Variants in KCNAB1 observed in about 807,000 individuals in gnomAD.
KCNAB1 encodes voltage-gated potassium channel subunit beta-1.
In KCNAB1, 35 loss-of-function variants were observed where a neutral mutation model predicts 64.6. The ratio of observed to expected loss-of-function variants is 0.54; its 90% CI spans 0.41 to 0.72. The LOEUF is 0.72. Among genes scored for constraint, KCNAB1 ranks in the 30% least tolerant of loss-of-function variants. KCNAB1 has a pLI of 0.00. For missense variants in KCNAB1, 401 were observed against 512.9 expected, an observed-to-expected ratio of 0.78 and a Z score of 2.11; for synonymous variants, 177 against 183.8, an observed-to-expected ratio of 0.96 and a Z score of 0.30.
Position 156,421,619 on chromosome 3 carries a change from T to C in KCNAB1, c.279T>C (p.Asn93=). 4 of 1,613,910 alleles carry C rather than the reference T, an allele frequency of 2.5e-6. No homozygotes were observed. Among genetic ancestry groups the C allele is most frequent in the Non-Finnish European group, 3.4e-6 (4 of 1,179,854 alleles). ...TVCTTGMPHR[N]LGKSGLRVSC... Reference sequence around the variant, plus strand: ...TGTTGCTTTGTTTTTATTATAGGAATCTTGGAAAATCAGGACTCAGAGTTT... The same window carrying C: ...TGTTGCTTTGTTTTTATTATAGGAACCTTGGAAAATCAGGACTCAGAGTTT... The change falls in exon 2 of 14, where the codon AAT becomes AAC. Residue 93 remains asparagine, a synonymous_variant. Coordinates refer to ENST00000490337, the MANE Select transcript of KCNAB1 (RefSeq NM_172160.3).
chr3:156,467,597 A>G (rs767192823), intron 7 of KCNAB1, among the ~76,000 whole-genome samples: 9 of 151,714 alleles, frequency 5.9e-5, no homozygotes, highest in Non-Finnish European at 1.2e-4. Context: ...TTATCTGTCT[A>G]TCCATCCATC....
At chr3:156,245,450 C>T (rs62286207) in intron 1 of KCNAB1, among the ~76,000 whole-genome samples, 30,737 of 151,950 alleles carry the variant, frequency 0.2, 3,526 homozygotes, top group South Asian at 0.47. Context: ...TGATATAATC[C>T]ACTGGTTTTA....
intron 4 of KCNAB1, among the ~76,000 whole-genome samples, chr3:156,458,784 T>C (rs1219734164): frequency 6.6e-6 from 1 of 152,084 alleles, no homozygotes; most frequent in Non-Finnish European, 1.5e-5. Context: ...TCTGTTAGAG[T>C]CCTGTTTGTA....
At chr3:156,224,137 G>A (rs1351344741) in intron 1 of KCNAB1, among the ~76,000 whole-genome samples, 1 of 152,242 alleles carries the variant, frequency 6.6e-6, no homozygotes, top group African/African-American at 2.4e-5. Context: ...TGGGGGACCC[G>A]GCACACCCTC....
At position 156,237,539 on chromosome 3, in the gene KCNAB1, C is replaced by T. The variant is rs748068820; in HGVS notation, c.275+116653C>T. Among the ~76,000 whole-genome samples, 12 of 152,096 alleles carry T rather than the reference C, an allele frequency of 7.9e-5. 1 individual carries two copies. The highest frequency in any genetic ancestry group is 1.8e-4 in the Non-Finnish European group (12 of 68,018). Reference sequence around the variant, plus strand: ...AACACCCCCACCTCGCTCAACTATACGTATTGTTTTGTAACTTGTAAACAC... The same window carrying T: ...AACACCCCCACCTCGCTCAACTATATGTATTGTTTTGTAACTTGTAAACAC... On this transcript the variant is annotated intron_variant, in intron 1 of 13. Transcript: ENST00000490337.
At chr3:156,175,575 G>C (rs897881390) in intron 1 of KCNAB1, among the ~76,000 whole-genome samples, 2 of 152,160 alleles carry the variant, frequency 1.3e-5, no homozygotes, top group African/African-American at 4.8e-5. Context: ...GCCGAGATGC[G>C]CCACTGCACT....
At chr3:156,274,991 C>T (rs1459326303) in intron 1 of KCNAB1, among the ~76,000 whole-genome samples, 5 of 152,182 alleles carry the variant, frequency 3.3e-5, no homozygotes, top group African/African-American at 1.2e-4. Context: ...GTAACAGAAC[C>T]TTTGTACCCT....
At chr3:156,497,878 G>A (rs529284433) in intron 8 of KCNAB1, among the ~76,000 whole-genome samples, 4 of 152,268 alleles carry the variant, frequency 2.6e-5, no homozygotes, top group South Asian at 2.1e-4. Context: ...TAGGGTCTTC[G>A]AAAAGTTTGT....
intron 1 of KCNAB1, among the ~76,000 whole-genome samples, chr3:156,255,706 C>G (rs1301263000): frequency 6.6e-6 from 1 of 152,178 alleles, no homozygotes; most frequent in Non-Finnish European, 1.5e-5. Context: ...CGACAATATT[C>G]TACTCACTTT....
Position 156,149,696 on chromosome 3 carries a change from A to C in KCNAB1, c.275+28810A>C, listed in dbSNP as rs543725474. Among the ~76,000 whole-genome samples, 3 of 152,284 alleles carry C rather than the reference A, an allele frequency of 2.0e-5. No homozygotes were observed. In the East Asian group the frequency reaches 5.8e-4, roughly 29 times the overall value. On this transcript the variant is annotated intron_variant, in intron 1 of 13. Coordinates refer to ENST00000490337, the MANE Select transcript of KCNAB1 (RefSeq NM_172160.3). ...CTTCAAAGGGTAACGCCATCCTCTC[A>C]AAGAGGCATATAGTGGATACCCAGG...
At chr3:156,445,787 A>G (rs1410876558) in intron 2 of KCNAB1, among the ~76,000 whole-genome samples, 1 of 152,236 alleles carries the variant, frequency 6.6e-6, no homozygotes, top group Non-Finnish European at 1.5e-5. Context: ...CGGTTACAAT[A>G]TAGTGTGGTC....
chr3:156,486,467 G>A (rs1306160962), intron 8 of KCNAB1, among the ~76,000 whole-genome samples: 1 of 152,172 alleles, frequency 6.6e-6, no homozygotes, highest in Non-Finnish European at 1.5e-5. Context: ...CCCTGGTTGG[G>A]ATGGGGGTTT....
At chr3:156,525,734 T>C (rs1303480293) in intron 12 of KCNAB1, among the ~76,000 whole-genome samples, 1 of 152,226 alleles carries the variant, frequency 6.6e-6, no homozygotes, top group Non-Finnish European at 1.5e-5. Flanking sequence ...CAGGCTGGTC[T>C]CTAACTCCTG....
intron 1 of KCNAB1, among the ~76,000 whole-genome samples, chr3:156,378,494 A>G (rs1172742292): frequency 2.6e-5 from 4 of 152,142 alleles, no homozygotes; most frequent in Non-Finnish European, 4.4e-5. Context: ...ATCTCCCCTT[A>G]GCCCTTTTTG....
chr3:156,503,967 A>G (rs1426772812), intron 8 of KCNAB1, among the ~76,000 whole-genome samples: 1 of 152,168 alleles, frequency 6.6e-6, no homozygotes, highest in African/African-American at 2.4e-5. Flanking sequence ...ATTGTTAACT[A>G]TAGTCTCCCT....
chr3:156,360,281 C>T (rs114880580), intron 1 of KCNAB1, among the ~76,000 whole-genome samples: 2,025 of 152,324 alleles, frequency 0.013, 17 homozygotes, highest in South Asian at 0.031. Context: ...ATCATCTCTA[C>T]GTGGATCTCA....
intron 1 of KCNAB1, among the ~76,000 whole-genome samples, chr3:156,220,809 G>T (rs1165386703): frequency 2.0e-5 from 3 of 152,100 alleles, no homozygotes; most frequent in Non-Finnish European, 4.4e-5. Flanking sequence ...TGTCCTGAAT[G>T]GTATTGCCTA....
chr3:156,535,872 AG>A (rs1391248886), intron 13 of KCNAB1, among the ~76,000 whole-genome samples: 3 of 152,130 alleles, frequency 2.0e-5, no homozygotes, highest in Non-Finnish European at 4.4e-5. Context: ...GGTTACTCCT[AG>A]ATCAGAAGTC....
At chr3:156,221,775 T>TCCCCC (rs1172625958) in intron 1 of KCNAB1, among the ~76,000 whole-genome samples, 1 of 134,500 alleles carries the variant, frequency 7.4e-6, no homozygotes, top group African/African-American at 2.8e-5. Flanking sequence ...CAAAACTCCA[T>TCCCCC]CCCCCCCCGC....
Sources: allele counts gnomAD v4.1 joint callset (sites outside exome capture counted in the v4.1 genomes callset), GRCh38; gene constraint gnomAD v4.1.1; transcripts MANE v1.5; gene names NCBI Gene and HGNC (gene_info 2026-07-23, HGNC 2026-07-21).